The following SNX29 variants were observed in gnomAD, a reference collection of about 807,000 sequenced individuals.
The protein encoded by SNX29 is sorting nexin 29.
Under a neutral mutation model 102.1 loss-of-function variants are expected in SNX29, and 78 were observed. The ratio of observed to expected loss-of-function variants is 0.76; its 90% CI spans 0.64 to 0.92. The LOEUF is 0.92. SNX29 is among the 40% of genes least tolerant of loss of function. SNX29 has a pLI of 0.00. For missense variants in SNX29, 1,280 were observed against 1,061.7 expected (o/e 1.21, Z -2.86); for synonymous variants, 580 against 414.5 (o/e 1.40, Z -4.85).
intron 14 of SNX29, among the ~76,000 whole-genome samples, chr16:12,220,577 G>T (rs1337435655): frequency 6.6e-6 from 1 of 152,154 alleles, no homozygotes; most frequent in Admixed American, 6.6e-5. Flanking sequence ...TTCCCTGCTC[G>T]TGCTGATCTC....
chr16:12,047,806 C>A (rs2050149155), intron 6 of SNX29, among the ~76,000 whole-genome samples: 2 of 151,962 alleles, frequency 1.3e-5, no homozygotes, highest in Non-Finnish European at 2.9e-5. Context: ...TATAGGCATG[C>A]ACCAACACGC....
chr16:12,124,086 G>A (rs949345225), intron 11 of SNX29, among the ~76,000 whole-genome samples: 14 of 152,150 alleles, frequency 9.2e-5, no homozygotes, highest in Non-Finnish European at 1.3e-4. Context: ...GCCCGGGCGC[G>A]GGGGCTCACG....
chr16:12,500,142 C>G (rs1029631237), intron 19 of SNX29, among the ~76,000 whole-genome samples: 5 of 151,464 alleles, frequency 3.3e-5, no homozygotes, highest in Non-Finnish European at 7.4e-5. Flanking sequence ...CAGGCACATG[C>G]CACCACACCT....
intron 13 of SNX29, among the ~76,000 whole-genome samples, chr16:12,195,781 G>C (rs1193784672): frequency 2.6e-5 from 4 of 152,130 alleles, no homozygotes; most frequent in African/African-American, 4.8e-5. Flanking sequence ...TAGACTCTCT[G>C]GGCCTCAAAT....
chr16:12,341,138 A>G (rs539238141), intron 15 of SNX29, among the ~76,000 whole-genome samples: 7 of 152,194 alleles, frequency 4.6e-5, no homozygotes, highest in Non-Finnish European at 8.8e-5. Flanking sequence ...CCAAGGAGAG[A>G]TTTGAATTGT....
At chr16:12,017,157 G>A (rs1475248286) in intron 3 of SNX29, among the ~76,000 whole-genome samples, 1 of 152,094 alleles carries the variant, frequency 6.6e-6, no homozygotes, top group Non-Finnish European at 1.5e-5. Context: ...TATACTGCCT[G>A]ATGTCTTTGC....
intron 20 of SNX29, among the ~76,000 whole-genome samples, chr16:12,567,629 G>A (rs79313597): frequency 0.013 from 2,023 of 152,230 alleles, 37 homozygotes; most frequent in African/African-American, 0.046. Flanking sequence ...AGGTATGGTG[G>A]CTAGTACCTA....
intron 14 of SNX29, among the ~76,000 whole-genome samples, chr16:12,224,487 C>A (rs1338229292): frequency 6.6e-6 from 1 of 152,128 alleles, no homozygotes; most frequent in Non-Finnish European, 1.5e-5. Flanking sequence ...CTGAGGACAT[C>A]CAGGTGCAGC....
In SNX29 at chr16:12,568,738, T is replaced by G; in HGVS notation, c.*109T>G. Reference sequence around the variant, plus strand: ...CGTGACAACCACGTCCACCTGGTGATCCTGAGAGCACACGATTCCCAACAG... The same window carrying G: ...CGTGACAACCACGTCCACCTGGTGAGCCTGAGAGCACACGATTCCCAACAG... On this transcript the variant is annotated 3_prime_UTR_variant, in exon 21 of 21. Coordinates refer to ENST00000566228, the MANE Select transcript of SNX29 (RefSeq NM_032167.5). 6.8e-7 allele frequency: 1 copy of G among 1,460,276 alleles called. No individual in the cohort carries two copies. Among genetic ancestry groups the G allele is most frequent in the Admixed American group, 2.2e-5 (1 of 44,868 alleles). The allele number at this position is 1,460,276 out of a possible 1,614,324, so 90.5% of individuals were successfully genotyped here.
At chr16:12,503,120 G>A (rs2089203625) in intron 19 of SNX29, among the ~76,000 whole-genome samples, 1 of 147,072 alleles carries the variant, frequency 6.8e-6, no homozygotes, top group Non-Finnish European at 1.5e-5. Context: ...CCCACCCCCA[G>A]GGTCGCCTCA....
intron 3 of SNX29, among the ~76,000 whole-genome samples, chr16:12,004,144 A>C (rs1490234695): frequency 6.6e-6 from 1 of 152,040 alleles, no homozygotes; most frequent in Non-Finnish European, 1.5e-5. Context: ...GTTCGAGTCC[A>C]GCCTGGCCAA....
intron 11 of SNX29, among the ~76,000 whole-genome samples, chr16:12,122,835 A>AT (rs556589605): frequency 6.6e-6 from 1 of 151,802 alleles, no homozygotes; most frequent in Non-Finnish European, 1.5e-5. Context: ...TTTAAAAAAA[A>AT]TTTTTTTTCT....
intron 13 of SNX29, among the ~76,000 whole-genome samples, chr16:12,163,124 C>CTTG (rs1567267083): frequency 1.3e-5 from 2 of 152,142 alleles, no homozygotes; most frequent in Non-Finnish European, 2.9e-5. Context: ...TCAGGTGATA[C>CTTG]GCCCACCTTG....
chr16:12,447,358 TTG>T (rs764236011), intron 18 of SNX29, among the ~76,000 whole-genome samples: 3 of 152,132 alleles, frequency 2.0e-5, no homozygotes, highest in Non-Finnish European at 4.4e-5. Flanking sequence ...TGATGGATTT[TTG>T]TTGTTAGCGG....
intron 19 of SNX29, among the ~76,000 whole-genome samples, chr16:12,482,353 G>A (rs1383306888): frequency 6.6e-6 from 1 of 151,502 alleles, no homozygotes; most frequent in African/African-American, 2.4e-5. Flanking sequence ...CCAGACTAGA[G>A]TTCTGTGATG....
chr16:12,395,469 A>G (rs984195199), intron 16 of SNX29, among the ~76,000 whole-genome samples: 1 of 152,238 alleles, frequency 6.6e-6, no homozygotes, highest in Non-Finnish European at 1.5e-5. Flanking sequence ...TTGCTCCAGC[A>G]TGATTCAGGA....
rs560097080 is a variant in SNX29, at chr16:12,572,509, C to T, written c.*3880C>T. 129 of 1,064,052 alleles carry T rather than the reference C, an allele frequency of 1.2e-4. No individual in the cohort carries two copies. The highest frequency in any genetic ancestry group is 1.4e-4 in the Non-Finnish European group (125 of 878,438). 65.9% of individuals were successfully genotyped at this position (1,064,052 alleles called of 1,614,324 possible). On this transcript the variant is annotated 3_prime_UTR_variant, in exon 21 of 21. Transcript: ENST00000566228. ...GGGGTTCCAGGCCTCGGCCTTCCTG[C>T]TCCACGTGCTCAAGCCCCCACAGGG...
intron 15 of SNX29, among the ~76,000 whole-genome samples, chr16:12,300,095 C>T (rs2080116564): frequency 6.6e-6 from 1 of 152,224 alleles, no homozygotes; most frequent in Admixed American, 6.5e-5. Context: ...TCGTCTTGAA[C>T]TCCTGACTTC....
chr16:11,977,132 C>T (rs1042298897), intron 1 of SNX29: 11 of 331,212 alleles, frequency 3.3e-5, no homozygotes, highest in African/African-American at 1.7e-4. Context: ...AGTTCTGAGA[C>T]CTCCCAGGTC....
Sources: gnomAD v4.1 joint callset for allele counts (sites outside exome capture counted in the v4.1 genomes callset) on GRCh38, gnomAD v4.1.1 for gene constraint, MANE v1.5 for transcripts, NCBI Gene and HGNC (gene_info 2026-07-23, HGNC 2026-07-21) for gene names.